Variants in GLRX3 observed in about 807,000 individuals in gnomAD.
GLRX3 encodes the protein glutaredoxin-3.
Under a neutral mutation model 49.5 loss-of-function variants are expected in GLRX3, and 22 were observed. The ratio of observed to expected loss-of-function variants is 0.44; its 90% confidence interval spans 0.32 to 0.63. The LOEUF (loss-of-function observed/expected upper bound fraction) is 0.63, where lower values mean the gene tolerates loss of function less well. Among genes scored for constraint, GLRX3 ranks in the 30% least tolerant of loss-of-function variants. The pLI, the probability that GLRX3 is intolerant of heterozygous loss-of-function variation, is 0.05. For missense variants in GLRX3, 385 were observed against 396.3 expected (o/e 0.97, Z 0.24); for synonymous variants, 133 against 140.0 (o/e 0.95, Z 0.35).
chr10:130,172,757 C>T (rs1344364127), intron 8 of GLRX3, among the ~76,000 whole-genome samples: 4 of 152,084 alleles, frequency 2.6e-5, no homozygotes, highest in African/African-American at 9.7e-5. Context: ...GCTTGGCGAA[C>T]ATGGTGAAAC....
At chr10:130,172,752 G>A (rs1364139964) in intron 8 of GLRX3, among the ~76,000 whole-genome samples, 2 of 152,106 alleles carry the variant, frequency 1.3e-5, no homozygotes, top group Non-Finnish European at 2.9e-5. Context: ...GACCAGCTTG[G>A]CGAACATGGT....
At chr10:130,150,035 G>GAGAC (rs1862343242) in intron 2 of GLRX3, among the ~76,000 whole-genome samples, 2 of 150,538 alleles carry the variant, frequency 1.3e-5, no homozygotes, top group African/African-American at 4.9e-5. Flanking sequence ...TCAGGAGATT[G>GAGAC]AGACCATCCT....
At chr10:130,171,510 C>T (rs1435810218) in intron 7 of GLRX3, 74 bp from the exon 8 acceptor site, 1 of 848,392 alleles carries the variant, frequency 1.2e-6, no homozygotes, top group African/African-American at 1.7e-5. Context: ...TGCTGGTTGA[C>T]AAGAGTATTA....
chr10:130,166,807 T>A (rs1862700307), intron 5 of GLRX3, 112 bp from the exon 6 acceptor site: 1 of 901,436 alleles, frequency 1.1e-6, no homozygotes, highest in Non-Finnish European at 1.8e-6. Context: ...CTGCAATGAA[T>A]ACACAGTATT....
intron 10 of GLRX3, among the ~76,000 whole-genome samples, chr10:130,178,034 G>C (rs1385164583): frequency 6.6e-6 from 1 of 152,102 alleles, no homozygotes; most frequent in Non-Finnish European, 1.5e-5. Flanking sequence ...TCAACCTGGT[G>C]GTAGCTCTTT....
At chr10:130,148,175 T>C (rs1047813359) in intron 2 of GLRX3, among the ~76,000 whole-genome samples, 2 of 152,156 alleles carry the variant, frequency 1.3e-5, no homozygotes, top group East Asian at 1.9e-4. Context: ...CTCACTCTTA[T>C]TGCCCAGGCT....
chr10:130,141,022 A>G (rs975391221), intron 1 of GLRX3, among the ~76,000 whole-genome samples: 1 of 152,170 alleles, frequency 6.6e-6, no homozygotes, highest in African/African-American at 2.4e-5. Flanking sequence ...CCTTTTTATC[A>G]TTGAATATTA....
At chr10:130,172,493 TTTTG>T (rs1392093460) in intron 8 of GLRX3, among the ~76,000 whole-genome samples, 1 of 152,242 alleles carries the variant, frequency 6.6e-6, no homozygotes, top group African/African-American at 2.4e-5. Flanking sequence ...TGTCAGATAT[TTTTG>T]TTTATTTCTC....
chr10:130,137,693 G>A (rs1283025195), intron 1 of GLRX3, among the ~76,000 whole-genome samples: 1 of 152,194 alleles, frequency 6.6e-6, no homozygotes, highest in Non-Finnish European at 1.5e-5. Context: ...TAGTATTTCA[G>A]TAGGAAGTAG....
At chr10:130,154,977 C>CTT (rs545919115) in intron 2 of GLRX3, among the ~76,000 whole-genome samples, 1 of 148,970 alleles carries the variant, frequency 6.7e-6, no homozygotes, top group Non-Finnish European at 1.5e-5. Flanking sequence ...AGAGATCTTT[C>CTT]TTTTTTTTTT....
At chr10:130,140,020 T>C (rs976366158) in intron 1 of GLRX3, among the ~76,000 whole-genome samples, 3 of 152,236 alleles carry the variant, frequency 2.0e-5, no homozygotes, top group Non-Finnish European at 4.4e-5. Flanking sequence ...ATTTTAAAAT[T>C]TGACATGAAT....
chr10:130,144,957 A>G (rs1275517117), intron 1 of GLRX3, among the ~76,000 whole-genome samples: 1 of 152,214 alleles, frequency 6.6e-6, no homozygotes, highest in Admixed American at 6.5e-5. Context: ...ATTGAGGTGG[A>G]TGAATATTCA....
At chr10:130,143,589 T>C (rs2134873030) in intron 1 of GLRX3, among the ~76,000 whole-genome samples, 1 of 152,236 alleles carries the variant, frequency 6.6e-6, no homozygotes, top group East Asian at 1.9e-4. Flanking sequence ...AGTGTAGTGG[T>C]ATGATCATGG....
intron 4 of GLRX3, among the ~76,000 whole-genome samples, chr10:130,165,269 C>T (rs934532175): frequency 6.6e-6 from 1 of 151,966 alleles, no homozygotes; most frequent in African/African-American, 2.4e-5. Context: ...GAGTAGGGCC[C>T]TACATAGTAT....
intron 1 of GLRX3, among the ~76,000 whole-genome samples, chr10:130,142,426 T>C: frequency 6.6e-6 from 1 of 152,198 alleles, no homozygotes; most frequent in Admixed American, 6.5e-5. Context: ...CAAGGTAAGC[T>C]CTTCTCTGCT....
intron 6 of GLRX3, among the ~76,000 whole-genome samples, chr10:130,167,453 C>T (rs1862715073): frequency 2.0e-5 from 3 of 152,146 alleles, no homozygotes; most frequent in Admixed American, 2.0e-4. Flanking sequence ...CCTTTCTAGA[C>T]CACGAGAACT....
rs752126966 is a variant in GLRX3 at position 130,160,762 on chromosome 10, C to T, written c.277-34C>T. ...ATAACAATGTCATTATTATGGAATG[C>T]TGCATGTATTCTAAATAACTTTTTA... On this transcript the variant is annotated intron_variant, in intron 3 of 10. Transcript: ENST00000331244. 2.7e-6 allele frequency: 3 copies of T among 1,104,046 alleles called. No individual in the cohort carries two copies. The Admixed American group carries it at 5.1e-5, about 19-fold the overall frequency. 68.4% of individuals were successfully genotyped at this position (1,104,046 alleles called of 1,614,324 possible). A position where few individuals can be genotyped will look rare whatever the true frequency, so the allele number is the denominator to read the frequency against.
intron 2 of GLRX3, among the ~76,000 whole-genome samples, chr10:130,158,261 G>A (rs1480327313): frequency 6.6e-6 from 1 of 151,140 alleles, no homozygotes; most frequent in Non-Finnish European, 1.5e-5. Flanking sequence ...CGCCCAGGCT[G>A]GAGTGCAATA....
chr10:130,169,801 A>G (rs1862769915), intron 7 of GLRX3, among the ~76,000 whole-genome samples: 1 of 152,240 alleles, frequency 6.6e-6, no homozygotes, highest in African/African-American at 2.4e-5. Context: ...GAGTTTGTGG[A>G]CTGCTGAAGT....
Sources: gnomAD v4.1 joint callset for allele counts (sites outside exome capture counted in the v4.1 genomes callset) on GRCh38, gnomAD v4.1.1 for gene constraint, MANE v1.5 for transcripts, NCBI Gene and HGNC (gene_info 2026-07-23, HGNC 2026-07-21) for gene names.